BABAM2: variants seen among roughly 807,000 people sequenced by gnomAD.
BABAM2 encodes BRISC and BRCA1 A complex member 2.
A neutral mutation model predicts 54.7 loss-of-function variants in BABAM2; 31 were observed. The observed-to-expected ratio is 0.57, with a 90% CI of 0.43 to 0.77. The LOEUF is 0.77. Among genes scored for constraint, BABAM2 ranks in the 30% least tolerant of loss-of-function variants. BABAM2 has a pLI of 0.00. For missense variants in BABAM2, 364 were observed against 455.8 expected (o/e 0.80, Z 1.83); for synonymous variants, 167 against 162.9 (o/e 1.03, Z -0.19).
chr2:28,000,051 G>T (rs1038447619), intron 4 of BABAM2, among the ~76,000 whole-genome samples: 2 of 152,112 alleles, frequency 1.3e-5, no homozygotes, highest in African/African-American at 2.4e-5. Context: ...GAGTTCCTAA[G>T]TGCCCCACAT....
intron 6 of BABAM2, among the ~76,000 whole-genome samples, chr2:28,117,833 G>T (rs1307176947): frequency 6.6e-6 from 1 of 151,988 alleles, no homozygotes; most frequent in Non-Finnish European, 1.5e-5. Context: ...GAGAGGAGAG[G>T]GTATCAGGCA....
intron 3 of BABAM2, among the ~76,000 whole-genome samples, chr2:27,945,669 C>T (rs1669248126): frequency 6.6e-6 from 1 of 152,090 alleles, no homozygotes; most frequent in Non-Finnish European, 1.5e-5. Context: ...CTAACATCTC[C>T]ATTTATTTAG....
rs989013983 is a variant in BABAM2, at chr2:27,908,615, C to A, written c.128+13931C>A. Among the ~76,000 whole-genome samples, 3 of 152,112 alleles carry A rather than the reference C, an allele frequency of 2.0e-5. No individual in the cohort carries two copies. The East Asian group carries it at 5.8e-4, about 29-fold the overall frequency. On this transcript the variant is annotated intron_variant, in intron 2 of 11. Coordinates refer to ENST00000379624, the MANE Select transcript of BABAM2 (RefSeq NM_199191.3). ...ACCCTTGGCTCCCTCCTTTCCTCCCCTCTCTTGGAGTCCCTAGTGTCTATT... is the reference window on the plus strand; with the variant it reads ...ACCCTTGGCTCCCTCCTTTCCTCCCATCTCTTGGAGTCCCTAGTGTCTATT...
rs1409656477 is a variant in BABAM2, at chr2:28,129,999, T to C, written c.680+619T>C. ...AATTTTGTAAGGCCTGAATTCACAGTGTGCTTATTGTGGGTGAAATGCTTT... is the reference window on the plus strand; with the variant it reads ...AATTTTGTAAGGCCTGAATTCACAGCGTGCTTATTGTGGGTGAAATGCTTT... On this transcript the variant is annotated intron_variant, in intron 7 of 11. Transcript: ENST00000379624. Among the ~76,000 whole-genome samples the C allele has an allele frequency of 5.3e-5, 8 of 152,224 alleles. No individual in the cohort carries two copies. The East Asian group carries it at 1.5e-3, about 29-fold the overall frequency.
intron 1 of BABAM2, among the ~76,000 whole-genome samples, chr2:27,892,691 A>G (rs1166061702): frequency 6.6e-6 from 1 of 152,176 alleles, no homozygotes; most frequent in Non-Finnish European, 1.5e-5. Context: ...GTGAAGATCA[A>G]CTGCAGTAAT....
In BABAM2 at chr2:28,326,819, C is replaced by T. The variant is rs77438980; in HGVS notation, c.1089-11631C>T. Among the ~76,000 whole-genome samples, 361 of 152,332 alleles carry T rather than the reference C, an allele frequency of 2.4e-3. 3 individuals are homozygous for T. The highest frequency in any genetic ancestry group is 8.3e-3 in the African/African-American group (345 of 41,574). On this transcript the variant is annotated intron_variant, in intron 11 of 11. Coordinates refer to ENST00000379624, the MANE Select transcript of BABAM2 (RefSeq NM_199191.3). Reference sequence around the variant, plus strand: ...CACTTACAGGGATGACCTATGCTAACGTGCCATTAGGATACGCAGTGTCAC... The same window carrying T: ...CACTTACAGGGATGACCTATGCTAATGTGCCATTAGGATACGCAGTGTCAC...
At chr2:27,890,574 A>C, upstream of BABAM2, 1 of 494,902 alleles carries the variant, frequency 2.0e-6, no homozygotes, top group Non-Finnish European at 3.6e-6. This position sits in a 1 kb window ranked among gnomAD's most constrained non-coding sequence, Gnocchi z 4.8. Flanking sequence ...ATATGGCGAG[A>C]CTCCGCGCTC....
At chr2:28,203,506 A>C (rs1325794874) in intron 7 of BABAM2, among the ~76,000 whole-genome samples, 1 of 152,182 alleles carries the variant, frequency 6.6e-6, no homozygotes, top group Non-Finnish European at 1.5e-5. Context: ...CATCACCACC[A>C]GTCGGTGCAT....
At chr2:27,925,041 A>G (rs578195668) in intron 2 of BABAM2, among the ~76,000 whole-genome samples, 1 of 152,208 alleles carries the variant, frequency 6.6e-6, no homozygotes, top group Non-Finnish European at 1.5e-5. Flanking sequence ...GATTCCTCTC[A>G]GCAAAGCAGA....
chr2:28,055,245 G>T (rs1678310324), intron 6 of BABAM2, among the ~76,000 whole-genome samples: 1 of 152,082 alleles, frequency 6.6e-6, no homozygotes, highest in Admixed American at 6.5e-5. Context: ...GGGAGAAATA[G>T]CCACCAAGGC....
intron 7 of BABAM2, among the ~76,000 whole-genome samples, chr2:28,156,903 G>A (rs1443171202): frequency 1.3e-5 from 2 of 152,138 alleles, no homozygotes; most frequent in African/African-American, 4.8e-5. Context: ...AACTTAATGG[G>A]AAAATATGAT....
At chr2:28,113,565 GT>G (rs1668333415) in intron 6 of BABAM2, among the ~76,000 whole-genome samples, 1 of 152,138 alleles carries the variant, frequency 6.6e-6, no homozygotes, top group South Asian at 2.1e-4. Context: ...TGGTAGTGTA[GT>G]TTGAAGTCAG....
rs533090975 is a variant in BABAM2 at position 27,926,692 on chromosome 2, G to A, written c.129-3140G>A. Reference sequence around the variant, plus strand: ...TGAGACGGTAGATCTTCTCTGTCTCGTCAGTCCTATAATCCTAACACCTAG... The same window carrying A: ...TGAGACGGTAGATCTTCTCTGTCTCATCAGTCCTATAATCCTAACACCTAG... On this transcript the variant is annotated intron_variant, in intron 2 of 11. Transcript: ENST00000379624. 8.4e-4 allele frequency among the ~76,000 whole-genome samples: 127 copies of A among 151,862 alleles called. 1 individual carries two copies. Among genetic ancestry groups the A allele is most frequent in the Non-Finnish European group, 3.4e-4 (23 of 67,990 alleles).
chr2:28,072,247 A>T (rs1345619066), intron 6 of BABAM2, among the ~76,000 whole-genome samples: 1 of 151,508 alleles, frequency 6.6e-6, no homozygotes, highest in Non-Finnish European at 1.5e-5. Context: ...ATCTTGGCTT[A>T]CTGCAACCTT....
intron 6 of BABAM2, among the ~76,000 whole-genome samples, chr2:28,072,263 C>T (rs1018217319): frequency 6.6e-6 from 1 of 152,068 alleles, no homozygotes; most frequent in Non-Finnish European, 1.5e-5. Flanking sequence ...ACCTTCGCCT[C>T]CCGGATTCAA....
At position 27,969,797 on chromosome 2, in the gene BABAM2, G is replaced by A. The variant is rs543825365; in HGVS notation, c.206-18196G>A. Among the ~76,000 whole-genome samples, 4 of 152,264 alleles carry A rather than the reference G, an allele frequency of 2.6e-5. No individual in the cohort carries two copies. The South Asian group carries it at 8.3e-4, about 32-fold the overall frequency. On this transcript the variant is annotated intron_variant, in intron 3 of 11. Transcript: ENST00000379624. The stretch of plus-strand genomic sequence containing the variant: ...AAGTGCTACTGGCTGGCATCTAGTG[G>A]GTAGAGACCAGGGATGCTGCTTAAT...
chr2:27,896,074 A>C (rs757138639), intron 2 of BABAM2: 4 of 151,954 alleles, frequency 2.6e-5, no homozygotes, highest in Non-Finnish European at 5.9e-5. Flanking sequence ...AGATGGAGGA[A>C]ATTTCACTGG....
At chr2:28,234,182 T>G (rs756567217) in intron 7 of BABAM2, among the ~76,000 whole-genome samples, 11 of 152,266 alleles carry the variant, frequency 7.2e-5, no homozygotes, top group South Asian at 2.1e-4. Flanking sequence ...TATTTTCTGT[T>G]CTCTGAGCCT....
At chr2:28,300,896 G>C (rs1275800032) in intron 11 of BABAM2, among the ~76,000 whole-genome samples, 1 of 152,206 alleles carries the variant, frequency 6.6e-6, no homozygotes, top group Non-Finnish European at 1.5e-5. Context: ...TGTAATAAAA[G>C]AGAAAGCCAG....
Sources: allele counts gnomAD v4.1 joint callset (sites outside exome capture counted in the v4.1 genomes callset), GRCh38; gene constraint gnomAD v4.1.1; non-coding constraint Gnocchi (gnomAD v3.1); transcripts MANE v1.5; gene names NCBI Gene and HGNC (gene_info 2026-07-23, HGNC 2026-07-21).